The following CPNE4 variants were observed in gnomAD, a reference collection of about 807,000 sequenced individuals.
CPNE4 encodes the protein copine-4.
In CPNE4, 25 loss-of-function variants were observed where a neutral mutation model predicts 67.9. The observed-to-expected ratio is 0.37, with a 90% CI of 0.27 to 0.51. The LOEUF (loss-of-function observed/expected upper bound fraction) is 0.51, where lower values mean the gene tolerates loss of function less well. Ranked by LOEUF, CPNE4 falls within the 20% of genes least tolerant of loss-of-function variation. The pLI is 0.93. For synonymous variants in CPNE4, 242 were observed against 244.9 expected (o/e 0.99, Z 0.11); for missense variants, 464 against 690.8 (o/e 0.67, Z 3.68).
chr3:131,747,791 T>C (rs1158141851), intron 2 of CPNE4, among the ~76,000 whole-genome samples: 1 of 152,216 alleles, frequency 6.6e-6, no homozygotes, highest in Non-Finnish European at 1.5e-5. Flanking sequence ...ATTCATTTCA[T>C]ATGTAAATAG....
intron 5 of CPNE4, among the ~76,000 whole-genome samples, chr3:131,693,479 CAT>C (rs1272685743): frequency 3.9e-5 from 6 of 152,040 alleles, no homozygotes; most frequent in Non-Finnish European, 8.8e-5. Context: ...TATTAGTTTA[CAT>C]TTTTGCAAAC....
chr3:131,938,989 T>C (rs1165157699), intron 1 of CPNE4, among the ~76,000 whole-genome samples: 5 of 152,296 alleles, frequency 3.3e-5, no homozygotes, highest in East Asian at 1.9e-4. Context: ...TATAGCTTGC[T>C]GTTGATGCTA....
chr3:131,969,500 T>G (rs2072446812), intron 1 of CPNE4, among the ~76,000 whole-genome samples: 1 of 152,216 alleles, frequency 6.6e-6, no homozygotes. Flanking sequence ...AAGCCTTTTG[T>G]AAAGGATATT....
intron 1 of CPNE4, among the ~76,000 whole-genome samples, chr3:131,969,159 G>A (rs1014081913): frequency 2.6e-5 from 4 of 151,908 alleles, no homozygotes; most frequent in African/African-American, 7.2e-5. Context: ...TGAACAATGA[G>A]AACACATGGA....
chr3:132,009,505 C>G (rs991725604), intron 1 of CPNE4, among the ~76,000 whole-genome samples: 1 of 152,170 alleles, frequency 6.6e-6, no homozygotes, highest in Non-Finnish European at 1.5e-5. Flanking sequence ...CTGGTTGGCT[C>G]TTAATACTTC....
chr3:131,891,716 T>C (rs1275720976), intron 2 of CPNE4, among the ~76,000 whole-genome samples: 1 of 152,092 alleles, frequency 6.6e-6, no homozygotes, highest in Non-Finnish European at 1.5e-5. Context: ...AGGATAATAG[T>C]CTCCAGCTTT....
At chr3:131,586,932 C>A (rs1052428692) in intron 8 of CPNE4, among the ~76,000 whole-genome samples, 1 of 152,136 alleles carries the variant, frequency 6.6e-6, no homozygotes, top group African/African-American at 2.4e-5. Context: ...AGAAGAAAAC[C>A]TGGTACCTAT....
At chr3:131,653,707 G>A (rs1302835575) in intron 7 of CPNE4, among the ~76,000 whole-genome samples, 2 of 152,142 alleles carry the variant, frequency 1.3e-5, no homozygotes, top group Non-Finnish European at 2.9e-5. Flanking sequence ...TTAAAATGCT[G>A]CAGCATTCAG....
At chr3:131,756,788 G>A (rs569271324) in intron 2 of CPNE4, among the ~76,000 whole-genome samples, 298 of 152,318 alleles carry the variant, frequency 2.0e-3, no homozygotes, top group Middle Eastern at 6.8e-3. Context: ...AACTTGGATT[G>A]TATCTCCCAG....
chr3:131,676,109 G>A (rs1312129908), intron 6 of CPNE4, among the ~76,000 whole-genome samples: 4 of 150,728 alleles, frequency 2.7e-5, no homozygotes, highest in African/African-American at 7.3e-5. Flanking sequence ...AGGCTGGAAT[G>A]CAGTGGTACA....
intron 2 of CPNE4, among the ~76,000 whole-genome samples, chr3:131,854,292 T>C (rs1387950812): frequency 1.3e-5 from 2 of 151,860 alleles, no homozygotes; most frequent in African/African-American, 4.8e-5. Context: ...TACATTTACA[T>C]GAACTTCAAG....
At chr3:131,777,783 G>T (rs1184020278) in intron 2 of CPNE4, among the ~76,000 whole-genome samples, 4 of 152,124 alleles carry the variant, frequency 2.6e-5, no homozygotes, top group Admixed American at 2.6e-4. Flanking sequence ...GAGTGGTAAG[G>T]ATGTACAATG....
intron 2 of CPNE4, among the ~76,000 whole-genome samples, chr3:131,725,250 G>A (rs1272333003): frequency 1.3e-5 from 2 of 152,206 alleles, no homozygotes; most frequent in Non-Finnish European, 2.9e-5. Context: ...TCAGTTCAGT[G>A]CTTTGTCTCC....
In CPNE4 at chr3:131,686,594, C is replaced by G. The variant is rs550768432; in HGVS notation, c.508-636G>C. Among the ~76,000 whole-genome samples, 156 of 152,136 alleles carry G rather than the reference C, an allele frequency of 1.0e-3. 1 individual carries two copies. The highest frequency in any genetic ancestry group is 3.7e-3 in the African/African-American group (153 of 41,456). ...GAATTTCTTCAAATGTCTTTAAAGC[C>G]CCTATCCATTTCTGATTTCCTTTAC... On this transcript the variant is annotated intron_variant, in intron 5 of 15. Coordinates refer to ENST00000429747, the MANE Select transcript of CPNE4 (RefSeq NM_130808.3).
At chr3:131,985,605 C>T (rs956519238) in intron 1 of CPNE4, among the ~76,000 whole-genome samples, 4 of 152,170 alleles carry the variant, frequency 2.6e-5, no homozygotes, top group African/African-American at 9.6e-5. Context: ...ATTTTAAACA[C>T]TGAGAATCAT....
intron 7 of CPNE4, among the ~76,000 whole-genome samples, chr3:131,650,895 A>G (rs1043847177): frequency 6.6e-6 from 1 of 152,272 alleles, no homozygotes; most frequent in African/African-American, 2.4e-5. Context: ...ATAGTAAAAA[A>G]TGGTAAACCA....
At chr3:131,783,605 C>A (rs1050095104) in intron 2 of CPNE4, among the ~76,000 whole-genome samples, 1 of 151,854 alleles carries the variant, frequency 6.6e-6, no homozygotes, top group Non-Finnish European at 1.5e-5. Flanking sequence ...ATTTTTGCAG[C>A]CTGGTTGTAT....
At chr3:131,883,211 A>G (rs1331736577) in intron 2 of CPNE4, among the ~76,000 whole-genome samples, 1 of 152,168 alleles carries the variant, frequency 6.6e-6, no homozygotes, top group Non-Finnish European at 1.5e-5. Context: ...CATTGGAAGC[A>G]TGTTCATGGT....
At chr3:131,655,329 T>C (rs568609140) in intron 7 of CPNE4, among the ~76,000 whole-genome samples, 1 of 152,250 alleles carries the variant, frequency 6.6e-6, no homozygotes, top group East Asian at 1.9e-4. Flanking sequence ...GTTGCTAAAG[T>C]TTGATGATAT....
Sources: allele counts gnomAD v4.1 joint callset (sites outside exome capture counted in the v4.1 genomes callset), GRCh38; gene constraint gnomAD v4.1.1; transcripts MANE v1.5; gene names NCBI Gene and HGNC (gene_info 2026-07-23, HGNC 2026-07-21).